Variants in NELL2 observed in about 807,000 individuals in gnomAD.
The protein encoded by NELL2 is neural EGFL like 2.
In NELL2, 41 loss-of-function variants were observed where a neutral mutation model predicts 109.6. That is an observed-to-expected ratio of 0.37 (90% CI 0.29 to 0.49). NELL2 has a LOEUF of 0.49. Among genes scored for constraint, NELL2 ranks in the 20% least tolerant of loss-of-function variants. The probability of loss-of-function intolerance (pLI) is 0.98; values close to 1 mark genes in which losing one functional copy is unlikely to be tolerated. For synonymous variants in NELL2, 355 were observed against 344.7 expected, an observed-to-expected ratio of 1.03 and a Z score of -0.33; for missense variants, 900 against 1,008.3, an observed-to-expected ratio of 0.89 and a Z score of 1.45.
At chr12:44,880,768 A>C (rs1945401944), upstream of NELL2, 1 of 152,106 alleles carries the variant, frequency 6.6e-6, no homozygotes, top group African/African-American at 2.4e-5. Context: ...ACATGGTATC[A>C]AGCAAACTAG....
chr12:44,812,746 A>T (rs1034481545), intron 3 of NELL2, among the ~76,000 whole-genome samples: 3 of 152,206 alleles, frequency 2.0e-5, no homozygotes, highest in Non-Finnish European at 4.4e-5. Flanking sequence ...ACAGGGCATT[A>T]GTAAAAAGAC....
intron 15 of NELL2, among the ~76,000 whole-genome samples, chr12:44,572,815 T>C (rs150471803): frequency 1.3e-5 from 2 of 152,328 alleles, no homozygotes; most frequent in Non-Finnish European, 2.9e-5. Context: ...TGCAGATATG[T>C]GACATGGCTA....
intron 10 of NELL2, among the ~76,000 whole-genome samples, chr12:44,713,973 T>C (rs1004525495): frequency 6.6e-6 from 1 of 151,970 alleles, no homozygotes; most frequent in Non-Finnish European, 1.5e-5. Context: ...AGAAATTTTA[T>C]ATATAGACAG....
At chr12:44,557,122 G>A (rs61391734) in intron 15 of NELL2, among the ~76,000 whole-genome samples, 16,021 of 152,062 alleles carry the variant, frequency 0.11, 2,830 homozygotes, top group African/African-American at 0.36. Flanking sequence ...ATCCTTTCTC[G>A]TTCTCCCATG....
intron 2 of NELL2, among the ~76,000 whole-genome samples, chr12:44,829,347 T>G (rs375361634): frequency 6.6e-6 from 1 of 152,178 alleles, no homozygotes; most frequent in African/African-American, 2.4e-5. Context: ...TTTTAACACA[T>G]GTAGCAAATT....
intron 9 of NELL2, among the ~76,000 whole-genome samples, chr12:44,737,947 G>A (rs921171227): frequency 1.3e-5 from 2 of 152,060 alleles, no homozygotes; most frequent in African/African-American, 4.8e-5. Flanking sequence ...CAGACCAGCT[G>A]CTGAGAGACT....
At chr12:44,875,635 G>A in intron 1 of NELL2, 180 bp downstream of exon 1, 3 of 1,604,558 alleles carry the variant, frequency 1.9e-6, no homozygotes, top group South Asian at 2.2e-5. Flanking sequence ...GATCCGCCTC[G>A]CGGTCTCCAA....
chr12:44,868,450 G>A (rs1945070944), intron 2 of NELL2, among the ~76,000 whole-genome samples: 1 of 152,050 alleles, frequency 6.6e-6, no homozygotes, highest in South Asian at 2.1e-4. Flanking sequence ...CATTAATTAG[G>A]TTGATCTCAC....
chr12:44,852,899 A>T (rs183075444), intron 2 of NELL2, among the ~76,000 whole-genome samples: 2 of 152,294 alleles, frequency 1.3e-5, no homozygotes, highest in Non-Finnish European at 2.9e-5. Context: ...ATGTACTATG[A>T]GATGCTTTAT....
intron 2 of NELL2, among the ~76,000 whole-genome samples, chr12:44,872,573 A>G (rs757607986): frequency 7.2e-5 from 11 of 152,178 alleles, no homozygotes; most frequent in Non-Finnish European, 1.5e-4. Context: ...AAGGAAAAGC[A>G]ATATTAAATG....
chr12:44,577,681 T>C (rs1156457549), intron 15 of NELL2, among the ~76,000 whole-genome samples: 2 of 151,974 alleles, frequency 1.3e-5, no homozygotes, highest in South Asian at 2.1e-4. Context: ...GGTTTCACCA[T>C]GTTAGCCAGG....
chr12:44,523,109 T>C lies in NELL2; in HGVS notation c.1998+182A>G, dbSNP rs527985962. 19 of 647,918 alleles carry C rather than the reference T, an allele frequency of 2.9e-5. No individual in the cohort carries two copies. In the African/African-American group the frequency reaches 3.5e-4, roughly 12 times the overall value. The allele number at this position is 647,918 out of a possible 1,614,324, so 40.1% of individuals were successfully genotyped here. A position where few individuals can be genotyped will look rare whatever the true frequency, so the allele number is the denominator to read the frequency against. On this transcript the variant is annotated intron_variant, in intron 17 of 19. Transcript: ENST00000429094. ...CAGTTTTTGCCTGGATCTAAGGTTG[T>C]GGGACTAACTAGGAAAGAACATAGG... is the stretch of plus-strand genomic sequence containing the variant.
chr12:44,895,725 C>G (rs560613149), intron 1 of NELL2, among the ~76,000 whole-genome samples: 14 of 151,946 alleles, frequency 9.2e-5, no homozygotes, highest in Non-Finnish European at 2.1e-4. Context: ...CATATATCAC[C>G]CCCTAACTTT....
chr12:44,811,093 G>A (rs1308640243), intron 3 of NELL2, among the ~76,000 whole-genome samples: 9 of 151,930 alleles, frequency 5.9e-5, no homozygotes, highest in East Asian at 3.9e-4. Context: ...ACCAAACACC[G>A]CATGTTCTCA....
intron 2 of NELL2, among the ~76,000 whole-genome samples, chr12:44,865,712 T>C (rs1343531790): frequency 8.1e-6 from 1 of 123,382 alleles, no homozygotes; most frequent in Non-Finnish European, 1.7e-5. Context: ...TACCTAATGA[T>C]AGATGACACG....
In NELL2 at chr12:44,875,373, G is replaced by T. The variant is rs749869147; in HGVS notation, c.56-20C>A. On this transcript the variant is annotated intron_variant, in intron 1 of 19. Coordinates refer to ENST00000429094, the MANE Select transcript of NELL2 (RefSeq NM_001145108.2). The stretch of plus-strand genomic sequence containing the variant: ...CCCAAACTGGTGAGGGGTATGAGGT[G>T]GGAGAGAGAAAAAGGAAAAGCTCCA... The T allele has an allele frequency of 3.1e-6, 5 of 1,613,858 alleles. No individual in the cohort carries two copies. The highest frequency in any genetic ancestry group is 1.3e-5 in the African/African-American group (1 of 74,904).
intron 2 of NELL2, among the ~76,000 whole-genome samples, chr12:44,823,575 T>G (rs1331619286): frequency 6.6e-6 from 1 of 152,238 alleles, no homozygotes; most frequent in Non-Finnish European, 1.5e-5. Context: ...ATTTATTTCT[T>G]TTTGTAAGGC....
intron 13 of NELL2, among the ~76,000 whole-genome samples, chr12:44,656,524 C>T (rs2136324310): frequency 6.6e-6 from 1 of 152,278 alleles, no homozygotes; most frequent in East Asian, 1.9e-4. Flanking sequence ...ATAAGAGTCA[C>T]AATAAAAACA....
At chr12:44,818,730 T>TTA (rs1464198141) in intron 2 of NELL2, among the ~76,000 whole-genome samples, 1 of 96,582 alleles carries the variant, frequency 1.0e-5, no homozygotes, top group Non-Finnish European at 2.1e-5. Flanking sequence ...CACTTATTTT[T>TTA]TTTTTTTTAT....
Sources: allele counts gnomAD v4.1 joint callset (sites outside exome capture counted in the v4.1 genomes callset), GRCh38; gene constraint gnomAD v4.1.1; transcripts MANE v1.5; gene names NCBI Gene and HGNC (gene_info 2026-07-23, HGNC 2026-07-21).